Variants in HS3ST4 observed in about 807,000 individuals in gnomAD.
HS3ST4 encodes the protein heparan sulfate glucosamine 3-O-sulfotransferase 4.
In HS3ST4, 17 loss-of-function variants were observed where a neutral mutation model predicts 29.2. The observed-to-expected ratio is 0.58, with a 90% CI of 0.40 to 0.87. HS3ST4 has a LOEUF of 0.87. Among genes scored for constraint, HS3ST4 ranks in the 40% least tolerant of loss-of-function variants. The pLI is 0.00. For synonymous variants in HS3ST4, 314 were observed against 285.7 expected (o/e 1.10, Z -1.00); for missense variants, 627 against 634.5 (o/e 0.99, Z 0.13).
At chr16:25,972,414 A>T (rs1968907158) in intron 1 of HS3ST4, among the ~76,000 whole-genome samples, 1 of 152,194 alleles carries the variant, frequency 6.6e-6, no homozygotes, top group African/African-American at 2.4e-5. Context: ...CAGTGCAGTT[A>T]TTTTAGAGCT....
chr16:25,840,323 G>A (rs1230610654), intron 1 of HS3ST4, among the ~76,000 whole-genome samples: 1 of 152,194 alleles, frequency 6.6e-6, no homozygotes, highest in Non-Finnish European at 1.5e-5. Flanking sequence ...ATAGGTTTAG[G>A]ATTCCTTTGA....
At chr16:25,724,130 A>G (rs1366943373) in intron 1 of HS3ST4, among the ~76,000 whole-genome samples, 3 of 151,826 alleles carry the variant, frequency 2.0e-5, no homozygotes, top group African/African-American at 4.8e-5. Context: ...AAAAAAAAAA[A>G]AAAAAAATCT....
chr16:25,987,654 G>A (rs1286858129), intron 1 of HS3ST4, among the ~76,000 whole-genome samples: 1 of 152,168 alleles, frequency 6.6e-6, no homozygotes, highest in Non-Finnish European at 1.5e-5. Flanking sequence ...AGAGCCAGTG[G>A]CCAAGTGTCT....
chr16:26,054,349 A>G (rs1322589301), intron 1 of HS3ST4, among the ~76,000 whole-genome samples: 1 of 152,004 alleles, frequency 6.6e-6, no homozygotes, highest in Non-Finnish European at 1.5e-5. Flanking sequence ...AGAAGAATGC[A>G]TTAAGATTCC....
intron 1 of HS3ST4, among the ~76,000 whole-genome samples, chr16:25,948,590 C>T (rs1968653277): frequency 6.6e-6 from 1 of 152,122 alleles, no homozygotes. Context: ...CAATATTGCC[C>T]AGTCTGTACC....
intron 1 of HS3ST4, among the ~76,000 whole-genome samples, chr16:25,980,280 C>A (rs370259487): frequency 8.1e-4 from 123 of 152,294 alleles, no homozygotes; most frequent in African/African-American, 2.8e-3. Flanking sequence ...TGCTCTCAGC[C>A]CTCTTCCTGG....
intron 1 of HS3ST4, among the ~76,000 whole-genome samples, chr16:26,131,773 C>T (rs765214278): frequency 6.6e-5 from 10 of 152,138 alleles, no homozygotes; most frequent in Non-Finnish European, 1.3e-4. Context: ...AAGATTAAGG[C>T]ATCAAAACCT....
intron 1 of HS3ST4, among the ~76,000 whole-genome samples, chr16:25,826,699 T>A (rs576664854): frequency 6.6e-6 from 1 of 152,030 alleles, no homozygotes; most frequent in Non-Finnish European, 1.5e-5. Flanking sequence ...CTTGGTGAGG[T>A]CAACAAAGGA....
At chr16:26,023,634 G>T (rs114675343) in intron 1 of HS3ST4, among the ~76,000 whole-genome samples, 1 of 151,762 alleles carries the variant, frequency 6.6e-6, no homozygotes, top group Non-Finnish European at 1.5e-5. Flanking sequence ...TCAAACTCCC[G>T]GCCTCAAGTG....
chr16:26,083,021 C>T (rs935377360), intron 1 of HS3ST4, among the ~76,000 whole-genome samples: 1 of 152,204 alleles, frequency 6.6e-6, no homozygotes, highest in Admixed American at 6.5e-5. Flanking sequence ...ATAGAAAATG[C>T]TCAATGAGTG....
chr16:25,942,078 G>A (rs1455206562), intron 1 of HS3ST4, among the ~76,000 whole-genome samples: 1 of 152,150 alleles, frequency 6.6e-6, no homozygotes, highest in Non-Finnish European at 1.5e-5. Context: ...AAGAATTTGG[G>A]GGATGAATAG....
chr16:25,897,190 C>G (rs142837478), intron 1 of HS3ST4, among the ~76,000 whole-genome samples: 12 of 152,272 alleles, frequency 7.9e-5, no homozygotes, highest in African/African-American at 2.6e-4. Flanking sequence ...CACAGTAGCT[C>G]ACGTGTGTAA....
intron 1 of HS3ST4, among the ~76,000 whole-genome samples, chr16:26,101,709 T>C (rs1231932074): frequency 1.3e-5 from 2 of 152,238 alleles, no homozygotes; most frequent in African/African-American, 4.8e-5. Flanking sequence ...AATGAATAGA[T>C]GGATGGATGA....
chr16:26,057,256 G>A (rs1221284172), intron 1 of HS3ST4, among the ~76,000 whole-genome samples: 1 of 152,200 alleles, frequency 6.6e-6, no homozygotes, highest in Non-Finnish European at 1.5e-5. Context: ...GGGAGGTTGG[G>A]TAACTTATCC....
At chr16:26,050,097 C>G (rs567178508) in intron 1 of HS3ST4, among the ~76,000 whole-genome samples, 31 of 152,282 alleles carry the variant, frequency 2.0e-4, no homozygotes, top group East Asian at 7.7e-4. Flanking sequence ...CCCTCTCCCC[C>G]CTGGAGACTG....
intron 1 of HS3ST4, among the ~76,000 whole-genome samples, chr16:25,966,319 C>G (rs1433573789): frequency 6.6e-6 from 1 of 152,136 alleles, no homozygotes; most frequent in Non-Finnish European, 1.5e-5. Context: ...CAGTTCTTCT[C>G]TATTTGAAGG....
chr16:25,971,535 C>G (rs1207032402), intron 1 of HS3ST4, among the ~76,000 whole-genome samples: 1 of 152,164 alleles, frequency 6.6e-6, no homozygotes, highest in East Asian at 1.9e-4. Flanking sequence ...CCTCAGGGCT[C>G]AGCAATAGAC....
intron 1 of HS3ST4, among the ~76,000 whole-genome samples, chr16:25,752,512 GA>G (rs923482778): frequency 9.2e-5 from 14 of 151,368 alleles, no homozygotes; most frequent in East Asian, 5.8e-4. Context: ...AAAGAGGGAG[GA>G]AAAAAAAGGC....
intron 1 of HS3ST4, among the ~76,000 whole-genome samples, chr16:26,026,746 T>A (rs117598985): frequency 2.0e-5 from 3 of 152,122 alleles, no homozygotes; most frequent in African/African-American, 7.2e-5. Context: ...GCAAGAGAAG[T>A]GGGGTCGTCA....
Sources: allele counts gnomAD v4.1 joint callset (sites outside exome capture counted in the v4.1 genomes callset), GRCh38; gene constraint gnomAD v4.1.1; transcripts MANE v1.5; gene names NCBI Gene and HGNC (gene_info 2026-07-23, HGNC 2026-07-21).